The following LASP1 variants were observed in gnomAD, a reference collection of about 807,000 sequenced individuals.
LASP1 encodes the protein LIM and SH3 domain protein 1.
LASP1 carries 10 observed loss-of-function variants against 38.6 expected under a neutral mutation model. The ratio of observed to expected loss-of-function variants is 0.26; its 90% confidence interval spans 0.16 to 0.44. The LOEUF is 0.44. LASP1 is among the 20% of genes least tolerant of loss of function. LASP1 has a pLI of 1.00. For synonymous variants in LASP1, 132 were observed against 140.8 expected (o/e 0.94, Z 0.44); for missense variants, 243 against 375.7 (o/e 0.65, Z 2.92).
At chr17:38,892,037 C>T (rs144838014) in intron 3 of LASP1, among the ~76,000 whole-genome samples, 1 of 152,214 alleles carries the variant, frequency 6.6e-6, no homozygotes, top group African/African-American at 2.4e-5. Context: ...TGCAGTGAGC[C>T]ATGATCGCAC....
chr17:38,887,199 C>T (rs7225767), intron 2 of LASP1, among the ~76,000 whole-genome samples: 3,638 of 152,232 alleles, frequency 0.024, 161 homozygotes, highest in African/African-American at 0.083. Context: ...CAGAGCTGCC[C>T]GGAGGTCTCC....
intron 2 of LASP1, among the ~76,000 whole-genome samples, chr17:38,883,180 T>C (rs1914002497): frequency 6.6e-6 from 1 of 152,024 alleles, no homozygotes; most frequent in Admixed American, 6.6e-5. Context: ...GGTGGATCGC[T>C]TGAGGCCAGG....
At chr17:38,906,558 A>T in intron 4 of LASP1, among the ~76,000 whole-genome samples, 1 of 152,088 alleles carries the variant, frequency 6.6e-6, no homozygotes, top group Admixed American at 6.6e-5. Flanking sequence ...AAATAAAGTT[A>T]AAAAAGAAAA....
intron 3 of LASP1, among the ~76,000 whole-genome samples, chr17:38,898,148 G>A (rs556704444): frequency 2.0e-5 from 3 of 152,302 alleles, no homozygotes; most frequent in African/African-American, 7.2e-5. Context: ...TATGTATGGT[G>A]GGATCTAAAT....
chr17:38,921,494 C>G lies in LASP1; in HGVS notation c.*2716C>G, dbSNP rs540445526. Reference sequence around the variant, plus strand: ...AAAAACAAAATACCACCCTACAAACCTGTATTTAAAAAGAAACAGAAATGA... The same window carrying G: ...AAAAACAAAATACCACCCTACAAACGTGTATTTAAAAAGAAACAGAAATGA... On this transcript the variant is annotated 3_prime_UTR_variant, in exon 7 of 7. Transcript: ENST00000318008. 2.4e-4 allele frequency: 55 copies of G among 232,558 alleles called. No homozygotes were observed. The highest frequency in any genetic ancestry group is 1.2e-3 in the African/African-American group (54 of 45,356). The allele number at this position is 232,558 out of a possible 1,614,324, so 14.4% of individuals were successfully genotyped here. A position where few individuals can be genotyped will look rare whatever the true frequency, so the allele number is the denominator to read the frequency against.
At chr17:38,905,686 TAG>T (rs975591000) in intron 4 of LASP1, among the ~76,000 whole-genome samples, 1 of 152,178 alleles carries the variant, frequency 6.6e-6, no homozygotes, top group Non-Finnish European at 1.5e-5. Context: ...TTTGATCGTG[TAG>T]AGTGTGATAG....
Position 38,894,294 on chromosome 17 carries a change from T to A in LASP1, c.249+3790T>A, listed in dbSNP as rs943616992. Among the ~76,000 whole-genome samples, 8 of 152,310 alleles carry A rather than the reference T, an allele frequency of 5.3e-5. No homozygotes were observed. The East Asian group carries it at 1.2e-3, about 22-fold the overall frequency. On this transcript the variant is annotated intron_variant, in intron 3 of 6. Coordinates refer to ENST00000318008, the MANE Select transcript of LASP1 (RefSeq NM_006148.4). Reference sequence around the variant, plus strand: ...GCCAGTAGACTGTTCTTCCATTTTTTCCTTCATCAACTCACCTTGATGGGG... The same window carrying A: ...GCCAGTAGACTGTTCTTCCATTTTTACCTTCATCAACTCACCTTGATGGGG...
chr17:38,887,091 C>T (rs562693538), intron 2 of LASP1, among the ~76,000 whole-genome samples: 21 of 152,242 alleles, frequency 1.4e-4, no homozygotes, highest in African/African-American at 3.6e-4. Context: ...TTTTGCAGAC[C>T]GGGTCTGGAG....
At chr17:38,883,628 T>A (rs1406461119) in intron 2 of LASP1, among the ~76,000 whole-genome samples, 1 of 152,036 alleles carries the variant, frequency 6.6e-6, no homozygotes, top group East Asian at 1.9e-4. Context: ...GCCTGAGGGA[T>A]CACTTTGCTT....
chr17:38,907,292 T>C (rs11079064), intron 4 of LASP1, among the ~76,000 whole-genome samples: 41,370 of 151,940 alleles, frequency 0.27, 6,117 homozygotes, highest in African/African-American at 0.39. Flanking sequence ...CTGGTGTCCC[T>C]CTCTCTCGAG....
rs1915210129 is a variant in LASP1, at chr17:38,918,745, G to A, written c.753G>A (p.Gly251=). The change falls in exon 7 of 7, where the codon GGG becomes GGA. Residue 251 remains glycine (G), a synonymous_variant. Coordinates refer to ENST00000318008, the MANE Select transcript of LASP1 (RefSeq NM_006148.4). The surrounding 1 kb of genome is among the most constrained non-coding windows in gnomAD (Gnocchi z 4.4). ...YGTVERTGDT[G]MLPANYVEAI ...CGGTGGAGCGCACCGGCGACACGGG[G>A]ATGCTGCCGGCCAACTACGTGGAGG... 2 of 1,614,054 alleles carry A rather than the reference G, an allele frequency of 1.2e-6. No homozygotes were observed. Among genetic ancestry groups the A allele is most frequent in the Non-Finnish European group, 1.7e-6 (2 of 1,180,012 alleles).
chr17:38,914,239 C>G lies in LASP1; in HGVS notation c.358-86C>G. ...TGTACCCAAAGCTCTTGGGTAGTCT[C>G]TCCCATCCTGGGATCTTGAGGGTCA... On this transcript the variant is annotated intron_variant, in intron 4 of 6. Transcript: ENST00000318008. The G allele has an allele frequency of 3.3e-6, 5 of 1,495,622 alleles. No individual in the cohort carries two copies. The South Asian group carries it at 4.9e-5, about 15-fold the overall frequency. The allele number at this position is 1,495,622 out of a possible 1,614,324, so 92.6% of individuals were successfully genotyped here.
rs549299337 is a variant in LASP1 at position 38,872,775 on chromosome 17, C to G, written c.69+2517C>G. 2.7e-4 allele frequency among the ~76,000 whole-genome samples: 41 copies of G among 152,322 alleles called. No homozygotes were observed. In the South Asian group the frequency reaches 8.3e-3, roughly 31 times the overall value. On this transcript the variant is annotated intron_variant, in intron 1 of 6. Transcript: ENST00000318008. Reference sequence around the variant, plus strand: ...TCAGCCCACTACGTGGCCCAAAGCACAGGGTGTGTCCTTGGTTTCAGCCTT... The same window carrying G: ...TCAGCCCACTACGTGGCCCAAAGCAGAGGGTGTGTCCTTGGTTTCAGCCTT...
intron 4 of LASP1, among the ~76,000 whole-genome samples, chr17:38,912,711 T>C (rs1354181616): frequency 6.6e-6 from 1 of 152,062 alleles, no homozygotes; most frequent in Non-Finnish European, 1.5e-5. Flanking sequence ...CTGGGGCCAA[T>C]CAGGATCTGG....
intron 1 of LASP1, chr17:38,873,869 A>G (rs895115729): frequency 1.3e-5 from 2 of 152,366 alleles, no homozygotes; most frequent in African/African-American, 4.8e-5. Context: ...CACCCCAGGT[A>G]GCCTGGGTTC....
rs1360142755 is a variant in LASP1 at position 38,921,163 on chromosome 17, T to TAGA, written c.*2389_*2391dup. 4.4e-6 allele frequency: 1 copy of TAGA among 228,638 alleles called. No individual in the cohort carries two copies. Among genetic ancestry groups the TAGA allele is most frequent in the East Asian group, 6.3e-5 (1 of 15,916 alleles). 14.2% of individuals were successfully genotyped at this position (228,638 alleles called of 1,614,324 possible). ...GTTCTTTACCAAAACCATCCATCCCTAGAAGAGCACAGAGCCCTGAGGGGC... is the reference window on the plus strand; with the variant it reads ...GTTCTTTACCAAAACCATCCATCCCTAGAAGAAGAGCACAGAGCCCTGAGGGGC... On this transcript the variant is annotated 3_prime_UTR_variant, in exon 7 of 7. Transcript: ENST00000318008.
intron 3 of LASP1, among the ~76,000 whole-genome samples, chr17:38,893,203 G>A (rs544986951): frequency 3.9e-5 from 6 of 152,340 alleles, no homozygotes; most frequent in African/African-American, 1.2e-4. Context: ...CCTGGAGCCC[G>A]TTGCTCTGAA....
At chr17:38,901,629 T>TA (rs1320722398) in intron 4 of LASP1, among the ~76,000 whole-genome samples, 1 of 152,172 alleles carries the variant, frequency 6.6e-6, no homozygotes, top group Admixed American at 6.5e-5. Flanking sequence ...ATCAGCATGT[T>TA]AGACACATTC....
At position 38,870,709 on chromosome 17, in the gene LASP1, G is replaced by T. The variant is rs948724773; in HGVS notation, c.69+451G>T. On this transcript the variant is annotated intron_variant, in intron 1 of 6. Coordinates refer to ENST00000318008, the MANE Select transcript of LASP1 (RefSeq NM_006148.4). ...GGCGGGGCAGAGGCTGGGGGGCCCT[G>T]CAAAACCGTCCGCTCCGGCGGGGGT... Among the ~76,000 whole-genome samples, 29 of 152,194 alleles carry T rather than the reference G, an allele frequency of 1.9e-4. 1 individual carries two copies. The South Asian group carries it at 6.0e-3, about 32-fold the overall frequency.
Sources: gnomAD v4.1 joint callset for allele counts (sites outside exome capture counted in the v4.1 genomes callset) on GRCh38, gnomAD v4.1.1 for gene constraint, Gnocchi (gnomAD v3.1) non-coding constraint, MANE v1.5 for transcripts, NCBI Gene and HGNC (gene_info 2026-07-23, HGNC 2026-07-21) for gene names.